Variants in SLC15A1 observed in about 807,000 individuals in gnomAD.
The protein encoded by SLC15A1 is solute carrier family 15 member 1, also known as Caco-2 oligopeptide transporter.
In SLC15A1, 83 loss-of-function variants were observed where a neutral mutation model predicts 92.9. That is an observed-to-expected ratio of 0.89 (90% confidence interval 0.75 to 1.07). The LOEUF (loss-of-function observed/expected upper bound fraction) is 1.07, where lower values mean the gene tolerates loss of function less well. Among genes scored for constraint, SLC15A1 ranks in the 50% least tolerant of loss-of-function variants. The probability of loss-of-function intolerance (pLI) is 0.00; values close to 1 mark genes in which losing one functional copy is unlikely to be tolerated. For missense variants in SLC15A1, 857 were observed against 880.1 expected (o/e 0.97, Z 0.33); for synonymous variants, 322 against 318.2 (o/e 1.01, Z -0.13).
Position 98,719,335 on chromosome 13 carries a change from C to A in SLC15A1, c.557-15G>T. 1 of 1,595,828 alleles carries A rather than the reference C, an allele frequency of 6.3e-7. No individual in the cohort carries two copies. The highest frequency in any genetic ancestry group is 1.1e-5 in the South Asian group (1 of 90,648). Reference sequence around the variant, plus strand: ...ACATTGTTGAACTGGGGAGAAATGACAAGATTAAAATTGTTATGGCATTGG... The same window carrying A: ...ACATTGTTGAACTGGGGAGAAATGAAAAGATTAAAATTGTTATGGCATTGG... On this transcript the variant is annotated splice_polypyrimidine_tract_variant and intron_variant, in intron 7 of 22. Transcript: ENST00000376503.
In SLC15A1 at chr13:98,704,393, T is replaced by A. The variant is rs2088095825; in HGVS notation, c.1312A>T (p.Ile438Leu). The A allele has an allele frequency of 1.2e-6, 2 of 1,613,870 alleles. No homozygotes were observed. The highest frequency in any genetic ancestry group is 2.7e-5 in the African/African-American group (2 of 74,890). Reference protein sequence around the residue: ...MTFDVNKLTRINISSPGSPVT... With the variant: ...MTFDVNKLTRLNISSPGSPVT... ...GGTGATCCAGGAGAAGAAATGTTTA[T>A]CCTTGTCAGTTTGTTTACATCAAAA... The change falls in exon 17 of 23, where the codon ATA becomes TTA. Residue 438 changes from isoleucine to leucine, a missense_variant. By Grantham distance (5) the Ile-to-Leu change is conservative. Coordinates refer to ENST00000376503, the MANE Select transcript of SLC15A1 (RefSeq NM_005073.4).
chr13:98,692,969 G>A (rs1248311195), intron 18 of SLC15A1, among the ~76,000 whole-genome samples: 1 of 151,660 alleles, frequency 6.6e-6, no homozygotes, highest in South Asian at 2.1e-4. Flanking sequence ...GAAATCCTGG[G>A]TTCAAGCACT....
chr13:98,725,270 G>A (rs1338038027), intron 4 of SLC15A1, among the ~76,000 whole-genome samples: 1 of 152,138 alleles, frequency 6.6e-6, no homozygotes, highest in Non-Finnish European at 1.5e-5. Flanking sequence ...TTCCTTTATA[G>A]CAACACAAGT....
At chr13:98,732,294 C>G (rs2088357342) in intron 1 of SLC15A1, among the ~76,000 whole-genome samples, 2 of 152,318 alleles carry the variant, frequency 1.3e-5, no homozygotes, top group South Asian at 4.1e-4. Flanking sequence ...AGCTTAGAAT[C>G]TGGACTTCCC....
intron 14 of SLC15A1, 132 bp from the exon 15 acceptor site, chr13:98,708,899 A>G (rs1260167521): frequency 2.0e-6 from 1 of 497,554 alleles, no homozygotes; most frequent in Non-Finnish European, 3.4e-6. Context: ...ACCTCTCCCC[A>G]TCTTGGTCAT....
At chr13:98,745,145 T>C (rs1001285462) in intron 1 of SLC15A1, among the ~76,000 whole-genome samples, 28 of 152,116 alleles carry the variant, frequency 1.8e-4, no homozygotes, top group Non-Finnish European at 2.2e-4. Context: ...CTAGATCACT[T>C]TGGGGCCTGT....
intron 1 of SLC15A1, among the ~76,000 whole-genome samples, chr13:98,749,866 T>C (rs2088527890): frequency 6.6e-6 from 1 of 152,224 alleles, no homozygotes; most frequent in African/African-American, 2.4e-5. Context: ...AAAATTCAAA[T>C]GTCTCAGTAC....
At position 98,710,588 on chromosome 13, in the gene SLC15A1, C is replaced by T. The variant is rs576628156; in HGVS notation, c.901-677G>A. Among the ~76,000 whole-genome samples the T allele has an allele frequency of 2.0e-4, 31 of 151,986 alleles. No individual in the cohort carries two copies. In the South Asian group the frequency reaches 4.2e-3, roughly 20 times the overall value. On this transcript the variant is annotated intron_variant, in intron 11 of 22. Transcript: ENST00000376503. ...TCCAGCACTTTGGGAGGCCGAGGCG[C>T]GTGGATCACCTGAGGTTAGGAGTTG...
chr13:98,710,478 C>T (rs2088152505), intron 11 of SLC15A1, among the ~76,000 whole-genome samples: 1 of 152,092 alleles, frequency 6.6e-6, no homozygotes, highest in African/African-American at 2.4e-5. Context: ...CATGTAAATG[C>T]TTCCGTATGA....
intron 1 of SLC15A1, among the ~76,000 whole-genome samples, chr13:98,750,649 C>T (rs12184574): frequency 0.034 from 5,104 of 152,176 alleles, 119 homozygotes; most frequent in Admixed American, 0.069. Flanking sequence ...CTAAGGACCA[C>T]GTCCTTTTTG....
intron 1 of SLC15A1, among the ~76,000 whole-genome samples, chr13:98,729,802 C>G (rs745520202): frequency 2.0e-5 from 3 of 152,228 alleles, no homozygotes; most frequent in Non-Finnish European, 4.4e-5. Flanking sequence ...CCAGGCTTCA[C>G]CACCTCTTCC....
At chr13:98,714,019 C>A (rs2088190428) in intron 9 of SLC15A1, among the ~76,000 whole-genome samples, 2 of 149,000 alleles carry the variant, frequency 1.3e-5, no homozygotes, top group Admixed American at 6.8e-5. Flanking sequence ...TGCTACTACA[C>A]TCTAGCCTGG....
At chr13:98,702,871 G>C (rs1420775254) in intron 17 of SLC15A1, among the ~76,000 whole-genome samples, 2 of 140,066 alleles carry the variant, frequency 1.4e-5, no homozygotes, top group Non-Finnish European at 3.0e-5. Context: ...AGAATCATTT[G>C]TTGAAAATTA....
chr13:98,722,405 T>C (rs1031149141), intron 5 of SLC15A1, among the ~76,000 whole-genome samples: 1 of 152,200 alleles, frequency 6.6e-6, no homozygotes, highest in African/African-American at 2.4e-5. Context: ...TATTGTCATG[T>C]CTAGATGGTG....
In SLC15A1 at chr13:98,687,691, C is replaced by T; in HGVS notation, c.1717G>A (p.Asp573Asn). 1 of 1,614,160 alleles carries T rather than the reference C, an allele frequency of 6.2e-7. No individual in the cohort carries two copies. The highest frequency in any genetic ancestry group is 1.6e-4 in the Middle Eastern group (1 of 6,062). ...ATGTTAACTGTGTTGGCTGAAATAT[C>T]TTCAAACACCTTCACTTCAGGGCAG... ...DSCPEVKVFE[D>N]ISANTVNMAL... The change falls in exon 21 of 23, where the codon GAT becomes AAT. Residue 573 changes from aspartate to asparagine, a missense_variant. By Grantham distance (23) the Asp-to-Asn change is conservative. Coordinates refer to ENST00000376503, the MANE Select transcript of SLC15A1 (RefSeq NM_005073.4).
In SLC15A1 at chr13:98,733,092, G is replaced by T. The variant is rs1216345771; in HGVS notation, c.5-6233C>A. 2.6e-5 allele frequency among the ~76,000 whole-genome samples: 4 copies of T among 152,172 alleles called. No homozygotes were observed. In the East Asian group the frequency reaches 7.7e-4, roughly 29 times the overall value. ...TGTTGGGGGAGGGGTCCCCAAGTCA[G>T]GGAATGTGGTGGCCTGGAGAAGCTG... is the stretch of plus-strand genomic sequence containing the variant. On this transcript the variant is annotated intron_variant, in intron 1 of 22. Transcript: ENST00000376503.
At chr13:98,721,096 T>A in intron 7 of SLC15A1, 1 of 479,176 alleles carries the variant, frequency 2.1e-6, no homozygotes, top group South Asian at 1.5e-5. Flanking sequence ...TTTTGCCCAG[T>A]AAACTCTTCC....
At chr13:98,701,012 G>C (rs958513214) in intron 18 of SLC15A1, among the ~76,000 whole-genome samples, 2 of 152,104 alleles carry the variant, frequency 1.3e-5, no homozygotes, top group African/African-American at 4.8e-5. Context: ...AGCTATTCTA[G>C]TTCCTTTGCC....
chr13:98,730,618 G>A lies in SLC15A1; in HGVS notation c.5-3759C>T, dbSNP rs1566456331. On this transcript the variant is annotated intron_variant, in intron 1 of 22. Coordinates refer to ENST00000376503, the MANE Select transcript of SLC15A1 (RefSeq NM_005073.4). ...AAATGAGGATGACCTCCGCCCTGCG[G>A]GGTTGCTGGAAGAGTCCTGCGAACC... Among the ~76,000 whole-genome samples the A allele has an allele frequency of 2.6e-5, 4 of 152,250 alleles. No homozygotes were observed. The South Asian group carries it at 8.3e-4, about 31-fold the overall frequency.
Sources: gnomAD v4.1 joint callset for allele counts (sites outside exome capture counted in the v4.1 genomes callset) on GRCh38, gnomAD v4.1.1 for gene constraint, MANE v1.5 for transcripts, NCBI Gene and HGNC (gene_info 2026-07-23, HGNC 2026-07-21) for gene names.